The following B3GALT1 variants were observed in gnomAD, a reference collection of about 807,000 sequenced individuals.
B3GALT1 encodes the protein UDP-Gal:betaGlcNAc beta 1,3-galactosyltransferase, polypeptide 1.
Under a neutral mutation model 23.2 loss-of-function variants are expected in B3GALT1, and 10 were observed. The ratio of observed to expected loss-of-function variants is 0.43; its 90% CI spans 0.27 to 0.73. B3GALT1 has a LOEUF of 0.73. B3GALT1 is among the 30% of genes least tolerant of loss of function. The pLI is 0.21. For synonymous variants in B3GALT1, 156 were observed against 141.5 expected, an observed-to-expected ratio of 1.10 and a Z score of -0.73; for missense variants, 299 against 405.4, an observed-to-expected ratio of 0.74 and a Z score of 2.25.
At position 167,869,268 on chromosome 2, in the gene B3GALT1, A is replaced by G; in HGVS notation, c.229A>G (p.Ile77Val). Residue 77 changes from isoleucine to valine, a missense_variant, in exon 5 of 5, where the codon ATT becomes GTT. By Grantham distance (29) the Ile-to-Val change is conservative. Around this residue, in one of 3 missense-constraint regions of B3GALT1, gnomAD observed 162 missense variants for 184.1 expected, o/e 0.88. Transcript: ENST00000392690. The surrounding 1 kb of genome is among the most constrained non-coding windows in gnomAD (Gnocchi z 6.4). ...INEPNKCEKNIPFLVILISTT... is the reference protein window; with the variant it reads ...INEPNKCEKNVPFLVILISTT... ...CGAGCCCAATAAATGTGAGAAAAACATTCCTTTTCTTGTTATCCTCATCAG... is the reference window on the plus strand; with the variant it reads ...CGAGCCCAATAAATGTGAGAAAAACGTTCCTTTTCTTGTTATCCTCATCAG... 6.2e-7 allele frequency: 1 copy of G among 1,614,218 alleles called. No homozygotes were observed. The highest frequency in any genetic ancestry group is 2.2e-5 in the East Asian group (1 of 44,892).
At chr2:167,627,529 A>G (rs1274654635) in intron 2 of B3GALT1, among the ~76,000 whole-genome samples, 1 of 151,704 alleles carries the variant, frequency 6.6e-6, no homozygotes, top group Non-Finnish European at 1.5e-5. Context: ...TGCTAGTAGT[A>G]TGCCCTTGTA....
At chr2:167,627,901 G>A (rs1685373347) in intron 2 of B3GALT1, among the ~76,000 whole-genome samples, 1 of 151,576 alleles carries the variant, frequency 6.6e-6, no homozygotes, top group South Asian at 2.1e-4. Flanking sequence ...ATGCTAATAG[G>A]TGTGTGGTGG....
chr2:167,816,900 T>C (rs1301820915), intron 3 of B3GALT1, among the ~76,000 whole-genome samples: 1 of 152,252 alleles, frequency 6.6e-6, no homozygotes, highest in Admixed American at 6.5e-5. Flanking sequence ...GTCTTATGCT[T>C]ACTTACATGG....
chr2:167,619,526 A>G (rs1685220955), intron 2 of B3GALT1, among the ~76,000 whole-genome samples: 1 of 152,056 alleles, frequency 6.6e-6, no homozygotes, highest in African/African-American at 2.4e-5. Context: ...ATGTATTTTT[A>G]AAGACTTAAA....
chr2:167,511,365 G>A (rs529256675), intron 2 of B3GALT1, among the ~76,000 whole-genome samples: 16 of 152,242 alleles, frequency 1.1e-4, no homozygotes, highest in Non-Finnish European at 2.1e-4. Context: ...GTTCTCAGGA[G>A]ATCTGATGGT....
chr2:167,334,847 G>A (rs185020169), intron 1 of B3GALT1, among the ~76,000 whole-genome samples: 430 of 152,202 alleles, frequency 2.8e-3, no homozygotes, highest in Admixed American at 8.0e-3. Context: ...TAGACATGAG[G>A]TTGCTTTTCT....
chr2:167,799,204 A>G lies in B3GALT1; in HGVS notation c.-351-19468A>G, dbSNP rs113439215. ...GACATTATCAGATTTTTGTATTTCA[A>G]TAGCTTTAGGGGTACAAGTAGTTTT... is the stretch of plus-strand genomic sequence containing the variant. On this transcript the variant is annotated intron_variant, in intron 3 of 4. Coordinates refer to ENST00000392690, the MANE Select transcript of B3GALT1 (RefSeq NM_020981.4). Among the ~76,000 whole-genome samples, 752 of 152,246 alleles carry G rather than the reference A, an allele frequency of 4.9e-3. 5 individuals carry two copies. The highest frequency in any genetic ancestry group is 0.017 in the African/African-American group (704 of 41,542).
chr2:167,861,035 G>A (rs892185507), intron 4 of B3GALT1, among the ~76,000 whole-genome samples: 2 of 152,196 alleles, frequency 1.3e-5, no homozygotes, highest in South Asian at 4.1e-4. Context: ...GTAAAGGAGT[G>A]AAGTCTTGCG....
At chr2:167,592,930 G>T (rs773793139) in intron 2 of B3GALT1, among the ~76,000 whole-genome samples, 2 of 152,210 alleles carry the variant, frequency 1.3e-5, no homozygotes, top group African/African-American at 4.8e-5. Context: ...AAGATGGTCA[G>T]TGTCATGCGT....
chr2:167,621,177 C>T (rs1488866910), intron 2 of B3GALT1, among the ~76,000 whole-genome samples: 6 of 149,238 alleles, frequency 4.0e-5, no homozygotes, highest in Non-Finnish European at 8.9e-5. Flanking sequence ...CAGCCTTGAC[C>T]TCTGGGGCTC....
At chr2:167,338,873 A>G (rs1697102413) in intron 1 of B3GALT1, among the ~76,000 whole-genome samples, 1 of 152,148 alleles carries the variant, frequency 6.6e-6, no homozygotes, top group South Asian at 2.1e-4. Flanking sequence ...TATTTAGCAT[A>G]TATAAAAATC....
chr2:167,512,580 GTATA>G (rs749951984), intron 2 of B3GALT1, among the ~76,000 whole-genome samples: 1,984 of 47,054 alleles, frequency 0.042, 120 homozygotes, highest in Non-Finnish European at 0.062. Context: ...ATATATATAT[GTATA>G]TATATATGTG....
chr2:167,373,402 A>G (rs1017645071), intron 1 of B3GALT1, among the ~76,000 whole-genome samples: 1 of 152,152 alleles, frequency 6.6e-6, no homozygotes, highest in Non-Finnish European at 1.5e-5. Context: ...GAAAGACAAC[A>G]CTAAGTAAAA....
intron 1 of B3GALT1, among the ~76,000 whole-genome samples, chr2:167,416,270 C>T (rs1698469761): frequency 6.6e-6 from 1 of 152,142 alleles, no homozygotes; most frequent in Non-Finnish European, 1.5e-5. Context: ...GTCTCTGCTC[C>T]CTTCATTCCA....
intron 4 of B3GALT1, among the ~76,000 whole-genome samples, chr2:167,859,608 AAG>A (rs1690061570): frequency 6.6e-6 from 1 of 152,174 alleles, no homozygotes; most frequent in South Asian, 2.1e-4. Flanking sequence ...TAAACTAAAA[AAG>A]AGAAAGGTTC....
chr2:167,298,673 A>G (rs1696395745), intron 1 of B3GALT1, among the ~76,000 whole-genome samples: 1 of 152,066 alleles, frequency 6.6e-6, no homozygotes, highest in Non-Finnish European at 1.5e-5. Context: ...AGGATTTCTT[A>G]TTTCCCTCTT....
At position 167,428,959 on chromosome 2, in the gene B3GALT1, C is replaced by T. The variant is rs1698664388; in HGVS notation, c.-510-61218C>T. Reference sequence around the variant, plus strand: ...TTCTAAAGGGGATTCGAGGAGATTACACAAATACAATACACTACAATAAAG... The same window carrying T: ...TTCTAAAGGGGATTCGAGGAGATTATACAAATACAATACACTACAATAAAG... On this transcript the variant is annotated intron_variant, in intron 1 of 4. Coordinates refer to ENST00000392690, the MANE Select transcript of B3GALT1 (RefSeq NM_020981.4). Among the ~76,000 whole-genome samples, 4 of 152,148 alleles carry T rather than the reference C, an allele frequency of 2.6e-5. No homozygotes were observed. The South Asian group carries it at 6.2e-4, about 24-fold the overall frequency.
At chr2:167,659,228 G>T (rs112550012) in intron 3 of B3GALT1, among the ~76,000 whole-genome samples, 1 of 135,282 alleles carries the variant, frequency 7.4e-6, no homozygotes, top group Admixed American at 7.4e-5. Flanking sequence ...TCTTGAGCTA[G>T]TTCCATGTGT....
chr2:167,575,545 C>T (rs756745738), intron 2 of B3GALT1, among the ~76,000 whole-genome samples: 9 of 151,836 alleles, frequency 5.9e-5, no homozygotes, highest in Admixed American at 5.9e-4. Context: ...TAATCTCACA[C>T]TCTTCATACA....
Sources: gnomAD v4.1 joint callset for allele counts (sites outside exome capture counted in the v4.1 genomes callset) on GRCh38, gnomAD v4.1.1 for gene constraint, gnomAD v4.1.1 regional missense constraint, Gnocchi (gnomAD v3.1) non-coding constraint, MANE v1.5 for transcripts, NCBI Gene and HGNC (gene_info 2026-07-23, HGNC 2026-07-21) for gene names.